GEMIN8: variants seen among roughly 807,000 people sequenced by gnomAD.
GEMIN8 encodes the protein gem-associated protein 8.
For missense variants in GEMIN8, 185 were observed against 205.9 expected (o/e 0.90, Z 0.62); for synonymous variants, 80 against 78.5 (o/e 1.02, Z -0.10).
At chrX:14,014,733 T>C (rs889298857) in intron 4 of GEMIN8, among the ~76,000 whole-genome samples, 5 of 111,834 alleles carry the variant, frequency 4.5e-5, no homozygotes, top group South Asian at 3.7e-4. Context: ...ATGGACACAG[T>C]GTAATGGAGC....
At chrX:14,001,501 C>T in the GEMIN8 span, among the ~76,000 whole-genome samples, 2 of 111,391 alleles carry the variant, frequency 1.8e-5, no homozygotes, top group Non-Finnish European at 1.9e-5. Flanking sequence ...TCCTCGCCCT[C>T]GCCATCACTC....
chrX:14,022,891 A>C (rs1331946387), intron 2 of GEMIN8, among the ~76,000 whole-genome samples: 1 of 112,649 alleles, frequency 8.9e-6, no homozygotes, highest in East Asian at 2.8e-4. Context: ...TGCTATGGTT[A>C]TATTAAGAAC....
chrX:13,991,446 C>T, the GEMIN8 span, among the ~76,000 whole-genome samples: 2 of 111,646 alleles, frequency 1.8e-5, no homozygotes, highest in African/African-American at 3.3e-5. Flanking sequence ...CATCAGAAGT[C>T]CTGAGTTGGG....
chrX:14,006,945 T>C lies in GEMIN8; in HGVS notation c.*1968A>G, dbSNP rs755743868. Among the ~76,000 whole-genome samples the C allele has an allele frequency of 9.8e-5, 11 of 111,912 alleles. No homozygotes were observed. In the Admixed American group the frequency reaches 1.0e-3, roughly 11 times the overall value. On this transcript the variant is annotated 3_prime_UTR_variant, in exon 5 of 5. Coordinates refer to ENST00000680255, the MANE Select transcript of GEMIN8 (RefSeq NM_001042479.2). ...TCTTTAGGGGAGGGTATAAGAGTCC[T>C]TTGCGAAGAGAAACATTTCACTTTC... is the stretch of plus-strand genomic sequence containing the variant.
In GEMIN8 at chrX:14,006,959, C is replaced by T. The variant is rs1923198759; in HGVS notation, c.*1954G>A. On this transcript the variant is annotated 3_prime_UTR_variant, in exon 5 of 5. Coordinates refer to ENST00000680255, the MANE Select transcript of GEMIN8 (RefSeq NM_001042479.2). ...TATAAGAGTCCTTTGCGAAGAGAAACATTTCACTTTCAAATGCCTCAGCAC... is the reference window on the plus strand; with the variant it reads ...TATAAGAGTCCTTTGCGAAGAGAAATATTTCACTTTCAAATGCCTCAGCAC... Among the ~76,000 whole-genome samples the T allele has an allele frequency of 8.9e-6, 1 of 112,010 alleles. No individual in the cohort carries two copies. The highest frequency in any genetic ancestry group is 3.2e-5 in the African/African-American group (1 of 30,775).
rs1002782263 is a variant in GEMIN8 at position 14,008,228 on chromosome X, C to CG, written c.*684dup. The CG allele has an allele frequency of 9.0e-6, 1 of 111,694 alleles. No individual in the cohort carries two copies. Among genetic ancestry groups the CG allele is most frequent in the Non-Finnish European group, 1.9e-5 (1 of 53,154 alleles). 9.2% of individuals were successfully genotyped at this position (111,694 alleles called of 1,213,427 possible). A position where few individuals can be genotyped will look rare whatever the true frequency, so the allele number is the denominator to read the frequency against. ...TCCTGACCTCGTGATCTGCCCACCTCGGCCTCCCAAAGTGCTGGGATTACA... is the reference window on the plus strand; with the variant it reads ...TCCTGACCTCGTGATCTGCCCACCTCGGGCCTCCCAAAGTGCTGGGATTACA... On this transcript the variant is annotated 3_prime_UTR_variant, in exon 5 of 5. Coordinates refer to ENST00000680255, the MANE Select transcript of GEMIN8 (RefSeq NM_001042479.2).
At chrX:13,985,982 T>C in the GEMIN8 span, among the ~76,000 whole-genome samples, 1 of 111,749 alleles carries the variant, frequency 8.9e-6, no homozygotes, top group Non-Finnish European at 1.9e-5. Flanking sequence ...ACTTCATGCA[T>C]AATGACATTC....
the GEMIN8 span, among the ~76,000 whole-genome samples, chrX:13,999,084 T>C: frequency 0.26 from 28,430 of 110,533 alleles, 2,797 homozygotes; most frequent in Non-Finnish European, 0.3. Flanking sequence ...TTTTTGTTTT[T>C]TTTTAAAGCC....
chrX:13,984,537 G>A, the GEMIN8 span, among the ~76,000 whole-genome samples: 1 of 111,795 alleles, frequency 8.9e-6, no homozygotes, highest in Non-Finnish European at 1.9e-5. Flanking sequence ...CTAGAGTTGT[G>A]CAGTTGCAAT....
At chrX:14,017,853 A>C (rs1290892422) in intron 4 of GEMIN8, among the ~76,000 whole-genome samples, 1 of 112,579 alleles carries the variant, frequency 8.9e-6, no homozygotes, top group East Asian at 2.8e-4. Flanking sequence ...AAATAAGGTC[A>C]CATTCTGAGG....
chrX:14,020,255 G>A lies in GEMIN8; in HGVS notation c.295C>T (p.His99Tyr), dbSNP rs1924214115. The change falls in exon 4 of 5, where the codon CAT becomes TAT. Residue 99 changes from histidine (H) to tyrosine (Y), a missense_variant. Physicochemically the swap from His to Tyr is moderately conservative, Grantham distance 83. Coordinates refer to ENST00000680255, the MANE Select transcript of GEMIN8 (RefSeq NM_001042479.2). ...TGGATCCTACTGCTGTAACGTGGAT[G>A]CTGCCCAGATCTTCTGAAATGTGAA... ...SSSHFRRSGQ[H>Y]PRYSSRIQAS... 6 of 1,211,243 alleles carry A rather than the reference G, an allele frequency of 5.0e-6. No homozygotes were observed. Among genetic ancestry groups the A allele is most frequent in the Non-Finnish European group, 6.7e-6 (6 of 894,941 alleles).
At chrX:13,999,457 G>A in the GEMIN8 span, among the ~76,000 whole-genome samples, 1 of 109,960 alleles carries the variant, frequency 9.1e-6, no homozygotes, top group South Asian at 3.9e-4. Context: ...TGTATTTTTA[G>A]TAGAGATGGG....
chrX:13,997,055 C>T, the GEMIN8 span, among the ~76,000 whole-genome samples: 7 of 107,117 alleles, frequency 6.5e-5, no homozygotes, highest in African/African-American at 2.4e-4. Flanking sequence ...GATTCTTCTG[C>T]CTCAGCCTCT....
At chrX:14,029,707 A>C (rs887038980) in intron 1 of GEMIN8, 70 bp downstream of exon 1, 2 of 112,840 alleles carry the variant, frequency 1.8e-5, no homozygotes, top group East Asian at 5.6e-4. Context: ...GCATCAGAAG[A>C]AGCCAGGGCC....
chrX:13,999,142 C>A, the GEMIN8 span, among the ~76,000 whole-genome samples: 9 of 111,351 alleles, frequency 8.1e-5, no homozygotes, highest in Non-Finnish European at 1.1e-4. Context: ...ACAGACAGTG[C>A]AGAGTTCCTA....
intron 4 of GEMIN8, among the ~76,000 whole-genome samples, chrX:14,012,819 C>G (rs1289583491): frequency 2.7e-5 from 3 of 109,500 alleles, no homozygotes; most frequent in African/African-American, 1.0e-4. Context: ...AACTCCCTTC[C>G]CTGTGGGTTC....
rs772324309 is a variant in GEMIN8, at chrX:14,008,934, C to T, written c.708G>A (p.Pro236=). The change falls in exon 5 of 5, where the codon CCG becomes CCA. Residue 236 remains proline, a synonymous_variant. Coordinates refer to ENST00000680255, the MANE Select transcript of GEMIN8 (RefSeq NM_001042479.2). ...GAGCTCAGAACTTCAGGGGGATGAC[C>T]GGCCAGTACTTGGGCTGCTTTCGGT... ...HCDRKQPKYW[P]VIPLKF 7.4e-6 allele frequency: 9 copies of T among 1,209,057 alleles called. No individual in the cohort carries two copies. The highest frequency in any genetic ancestry group is 5.9e-5 in the East Asian group (2 of 33,776).
downstream of GEMIN8, among the ~76,000 whole-genome samples, chrX:14,002,039 T>C (rs1289447606): frequency 1.0e-5 from 1 of 95,525 alleles, no homozygotes; most frequent in Admixed American, 1.2e-4. Context: ...GAGAAACCTT[T>C]GAACCCAGGA....
chrX:13,988,075 A>T, the GEMIN8 span, among the ~76,000 whole-genome samples: 1 of 111,765 alleles, frequency 8.9e-6, no homozygotes, highest in Non-Finnish European at 1.9e-5. Context: ...ATCATGATTC[A>T]TTCCCTGGGG....
Sources: allele counts gnomAD v4.1 joint callset (sites outside exome capture counted in the v4.1 genomes callset), GRCh38; gene constraint gnomAD v4.1.1; transcripts MANE v1.5; gene names NCBI Gene and HGNC (gene_info 2026-07-23, HGNC 2026-07-21).